The following TF variants were observed in gnomAD, a reference collection of about 807,000 sequenced individuals.
TF encodes the protein transferrin.
TF carries 55 observed loss-of-function variants against 82.4 expected under a neutral mutation model. The ratio of observed to expected loss-of-function variants is 0.67; its 90% CI spans 0.54 to 0.84. TF has a LOEUF of 0.84. TF is among the 40% of genes least tolerant of loss of function. The probability of loss-of-function intolerance (pLI) is 0.00; values close to 1 mark genes in which losing one functional copy is unlikely to be tolerated. For synonymous variants in TF, 332 were observed against 332.6 expected (o/e 1.00, Z 0.02); for missense variants, 737 against 868.4 (o/e 0.85, Z 1.90).
At chr3:133,748,043 G>A (rs1018381505) in intron 1 of TF, 5 of 267,420 alleles carry the variant, frequency 1.9e-5, no homozygotes, top group Non-Finnish European at 3.7e-5. Context: ...ATGTGTTGGG[G>A]TAGCTGAAAA....
At chr3:133,724,886 T>A in the TF span, among the ~76,000 whole-genome samples, 4 of 152,204 alleles carry the variant, frequency 2.6e-5, no homozygotes, top group African/African-American at 4.8e-5. Flanking sequence ...CTAGCCAGTT[T>A]TCCCAGCACC....
chr3:133,689,415 T>A, the TF span, among the ~76,000 whole-genome samples: 8 of 152,120 alleles, frequency 5.3e-5, no homozygotes, highest in African/African-American at 1.7e-4. Flanking sequence ...TGAAAACATA[T>A]GCTGTATTTC....
chr3:133,687,507 T>C, the TF span, among the ~76,000 whole-genome samples: 80,384 of 151,930 alleles, frequency 0.53, 22,154 homozygotes, highest in African/African-American at 0.69. Context: ...TGTACAACCA[T>C]CATCTCTATC....
At chr3:133,754,756 G>A in intron 4 of TF, 85 bp downstream of exon 4, 1 of 1,444,846 alleles carries the variant, frequency 6.9e-7, no homozygotes, top group Non-Finnish European at 9.7e-7. Flanking sequence ...GTCACCATCA[G>A]CAGACATGTG....
At chr3:133,724,579 C>T in the TF span, among the ~76,000 whole-genome samples, 21 of 152,220 alleles carry the variant, frequency 1.4e-4, no homozygotes, top group Non-Finnish European at 2.4e-4. Context: ...GAGTCGGTTG[C>T]GAAAATTTTC....
chr3:133,722,754 G>GT, the TF span, among the ~76,000 whole-genome samples: 1 of 152,134 alleles, frequency 6.6e-6, no homozygotes, highest in African/African-American at 2.4e-5. Flanking sequence ...AATTGTAGTT[G>GT]TTTTTTAACC....
the TF span, among the ~76,000 whole-genome samples, chr3:133,685,458 G>A: frequency 5.3e-5 from 8 of 152,250 alleles, no homozygotes; most frequent in Admixed American, 1.3e-4. Flanking sequence ...AAACCCCATC[G>A]TCTCAGCCCA....
At chr3:133,669,214 C>G in the TF span, among the ~76,000 whole-genome samples, 7 of 152,038 alleles carry the variant, frequency 4.6e-5, no homozygotes, top group African/African-American at 1.5e-4. Flanking sequence ...ATTGGCCAGG[C>G]TGGTCTCAAA....
chr3:133,711,073 C>T, the TF span, among the ~76,000 whole-genome samples: 1 of 152,196 alleles, frequency 6.6e-6, no homozygotes, highest in African/African-American at 2.4e-5. Context: ...TTTATGAAAA[C>T]ACACTGGTTT....
chr3:133,739,659 A>G, the TF span, among the ~76,000 whole-genome samples: 1 of 152,300 alleles, frequency 6.6e-6, no homozygotes, highest in South Asian at 2.1e-4. Context: ...AAGGATATGA[A>G]CAACCATCAA....
At chr3:133,758,201 A>G (rs536283108) in intron 8 of TF, among the ~76,000 whole-genome samples, 4 of 152,322 alleles carry the variant, frequency 2.6e-5, no homozygotes, top group Admixed American at 1.3e-4. Context: ...CTTTGCATCA[A>G]TCAGGACTGC....
chr3:133,738,052 G>A, the TF span, among the ~76,000 whole-genome samples: 3 of 152,202 alleles, frequency 2.0e-5, no homozygotes, highest in Non-Finnish European at 2.9e-5. Flanking sequence ...ACATCAATGA[G>A]AAAATCTTCA....
the TF span, among the ~76,000 whole-genome samples, chr3:133,732,606 C>A: frequency 2.6e-5 from 4 of 152,202 alleles, no homozygotes; most frequent in African/African-American, 4.8e-5. Flanking sequence ...TCCACACTAC[C>A]TTTATGAGCT....
intron 14 of TF, among the ~76,000 whole-genome samples, chr3:133,771,234 A>C (rs1447236969): frequency 2.6e-5 from 4 of 152,228 alleles, no homozygotes; most frequent in Non-Finnish European, 4.4e-5. Flanking sequence ...AATTTGAAGG[A>C]TCTCCTGTTG....
intron 2 of TF, among the ~76,000 whole-genome samples, chr3:133,753,278 G>A (rs770439458): frequency 2.0e-4 from 31 of 152,180 alleles, no homozygotes; most frequent in Admixed American, 3.3e-4. Context: ...TTTCTCCCAC[G>A]GAGCCTGCCA....
At chr3:133,679,621 C>T in the TF span, among the ~76,000 whole-genome samples, 460 of 105,102 alleles carry the variant, frequency 4.4e-3, 2 homozygotes, top group Non-Finnish European at 6.0e-3. Flanking sequence ...TGAGATTCAT[C>T]CATGTTCTTG....
At chr3:133,684,581 A>C in the TF span, among the ~76,000 whole-genome samples, 13 of 152,128 alleles carry the variant, frequency 8.5e-5, no homozygotes, top group African/African-American at 3.1e-4. Flanking sequence ...AATACCTCTA[A>C]ACAAATAAAC....
the TF span, among the ~76,000 whole-genome samples, chr3:133,726,764 G>A: frequency 2.2e-4 from 34 of 152,030 alleles, no homozygotes; most frequent in East Asian, 6.2e-3. Flanking sequence ...TGTCAATTTT[G>A]GATCTTTCCT....
chr3:133,676,642 G>A, the TF span, among the ~76,000 whole-genome samples: 2 of 152,244 alleles, frequency 1.3e-5, no homozygotes, highest in South Asian at 2.1e-4. Flanking sequence ...GGCTCAGCAC[G>A]GCCACGTGGG....
Sources: gnomAD v4.1 joint callset for allele counts (sites outside exome capture counted in the v4.1 genomes callset) on GRCh38, gnomAD v4.1.1 for gene constraint, MANE v1.5 for transcripts, NCBI Gene and HGNC (gene_info 2026-07-23, HGNC 2026-07-21) for gene names.